Variants in KIAA1328 observed in about 807,000 individuals in gnomAD.
KIAA1328 encodes the protein KIAA1328, also known as protein hinderin.
Under a neutral mutation model 68.1 loss-of-function variants are expected in KIAA1328, and 52 were observed. The observed-to-expected ratio is 0.76, with a 90% confidence interval of 0.61 to 0.96. The LOEUF is 0.96. Ranked by LOEUF, KIAA1328 falls within the 40% of genes least tolerant of loss-of-function variation. The pLI, the probability that KIAA1328 is intolerant of heterozygous loss-of-function variation, is 0.00. For missense variants in KIAA1328, 641 were observed against 677.6 expected, an observed-to-expected ratio of 0.95 and a Z score of 0.60; for synonymous variants, 232 against 239.4, an observed-to-expected ratio of 0.97 and a Z score of 0.28.
At chr18:37,060,996 TC>T (rs1883072641) in intron 6 of KIAA1328, among the ~76,000 whole-genome samples, 1 of 152,098 alleles carries the variant, frequency 6.6e-6, no homozygotes, top group African/African-American at 2.4e-5. Flanking sequence ...GTGCCTGTAG[TC>T]CCAGCTACTC....
chr18:36,865,065 A>G (rs1241242244), intron 4 of KIAA1328, among the ~76,000 whole-genome samples: 1 of 128,948 alleles, frequency 7.8e-6, no homozygotes, highest in Admixed American at 7.5e-5. Flanking sequence ...TCTTATCTCT[A>G]TTATTTCCTT....
intron 6 of KIAA1328, among the ~76,000 whole-genome samples, chr18:37,050,116 A>T (rs2151660151): frequency 6.6e-6 from 1 of 152,208 alleles, no homozygotes; most frequent in South Asian, 2.1e-4. Context: ...TCTATTCCTG[A>T]GCCTGATTGT....
intron 6 of KIAA1328, among the ~76,000 whole-genome samples, chr18:37,027,370 T>G (rs998642989): frequency 1.1e-4 from 16 of 152,134 alleles, no homozygotes; most frequent in African/African-American, 3.6e-4. Context: ...AAAAACTACT[T>G]TAAAGTTCAT....
At chr18:37,116,646 C>T (rs907494613) in intron 7 of KIAA1328, among the ~76,000 whole-genome samples, 1 of 152,118 alleles carries the variant, frequency 6.6e-6, no homozygotes, top group Non-Finnish European at 1.5e-5. Flanking sequence ...GCAACAAAAG[C>T]CAAAATTGAC....
intron 6 of KIAA1328, among the ~76,000 whole-genome samples, chr18:36,972,890 A>G (rs2052288450): frequency 6.6e-6 from 1 of 152,240 alleles, no homozygotes; most frequent in African/African-American, 2.4e-5. Context: ...TGAAACAGGA[A>G]AAGATATTAC....
chr18:37,067,018 T>C lies in KIAA1328; in HGVS notation c.705T>C (p.Ala235=). 6.2e-7 allele frequency: 1 copy of C among 1,613,934 alleles called. No individual in the cohort carries two copies. The highest frequency in any genetic ancestry group is 8.5e-7 in the Non-Finnish European group (1 of 1,179,868). The change falls in exon 7 of 10, where the codon GCT becomes GCC. Residue 235 remains alanine (A), a synonymous_variant. Coordinates refer to ENST00000280020, the MANE Select transcript of KIAA1328 (RefSeq NM_020776.3). ...CTAAGTCTGCAGTCCAGGATTCAGC[T>C]TCAGAATCCCTTATAGCATTTAGGA... ...QRPKSAVQDS[A]SESLIAFRNN... is the part of the protein sequence containing the mutation.
chr18:37,137,018 A>G (rs887946756), intron 7 of KIAA1328, among the ~76,000 whole-genome samples: 12 of 152,214 alleles, frequency 7.9e-5, no homozygotes, highest in Admixed American at 7.2e-4. Context: ...AGAATTGAAG[A>G]TATTTTAATT....
Position 37,224,095 on chromosome 18 carries a change from A to T in KIAA1328, c.*1868A>T, listed in dbSNP as rs544567715. On this transcript the variant is annotated 3_prime_UTR_variant, in exon 10 of 10. Coordinates refer to ENST00000280020, the MANE Select transcript of KIAA1328 (RefSeq NM_020776.3). ...ACTAAGAGCCCTCAGCCATTTTTTC[A>T]GTTAAAGTTAGGTTGCCAGAACTTT... The T allele has an allele frequency of 2.0e-6, 2 of 985,314 alleles. No homozygotes were observed. The highest frequency in any genetic ancestry group is 9.4e-5 in the South Asian group (2 of 21,284). The allele number at this position is 985,314 out of a possible 1,614,324, so 61.0% of individuals were successfully genotyped here.
intron 5 of KIAA1328, among the ~76,000 whole-genome samples, chr18:36,938,321 G>C (rs2050581359): frequency 6.6e-6 from 1 of 151,958 alleles, no homozygotes; most frequent in South Asian, 2.1e-4. Context: ...ATACCTTATT[G>C]TTATTTTAAT....
chr18:37,198,774 C>T (rs2060051540), intron 9 of KIAA1328, among the ~76,000 whole-genome samples: 1 of 152,146 alleles, frequency 6.6e-6, no homozygotes, highest in East Asian at 1.9e-4. Flanking sequence ...GTTTGATGAC[C>T]TCTGCTTTCT....
intron 6 of KIAA1328, among the ~76,000 whole-genome samples, chr18:37,032,300 A>T (rs939728568): frequency 4.6e-5 from 7 of 152,330 alleles, no homozygotes; most frequent in Middle Eastern, 3.4e-3. Context: ...ATTGTCACAT[A>T]ATTTACTTCT....
chr18:37,134,880 A>G (rs1196808460), intron 7 of KIAA1328, among the ~76,000 whole-genome samples: 1 of 152,018 alleles, frequency 6.6e-6, no homozygotes, highest in African/African-American at 2.4e-5. Flanking sequence ...AGTAGTTCCC[A>G]GTGTCTATTA....
At chr18:37,194,884 CTCCTGACCTCATGA>C (rs2059974426) in intron 9 of KIAA1328, among the ~76,000 whole-genome samples, 1 of 152,186 alleles carries the variant, frequency 6.6e-6, no homozygotes, top group South Asian at 2.1e-4. Flanking sequence ...TGGTCTCAAA[CTCCTGACCTCATGA>C]TCCACACACC....
chr18:37,046,427 C>A (rs143021407), intron 6 of KIAA1328, among the ~76,000 whole-genome samples: 156 of 152,186 alleles, frequency 1.0e-3, no homozygotes, highest in Admixed American at 2.0e-3. Flanking sequence ...TCTTGGTAAG[C>A]CCTGAAATCC....
chr18:37,070,073 A>C (rs910887296), intron 7 of KIAA1328, among the ~76,000 whole-genome samples: 1 of 151,946 alleles, frequency 6.6e-6, no homozygotes, highest in Non-Finnish European at 1.5e-5. Context: ...GAAACTTCCT[A>C]TTTGACCCAT....
intron 8 of KIAA1328, among the ~76,000 whole-genome samples, chr18:37,169,492 G>C (rs565951736): frequency 6.7e-6 from 1 of 150,152 alleles, no homozygotes; most frequent in Non-Finnish European, 1.5e-5. Flanking sequence ...TTAAGCATAT[G>C]TTGTTATTGT....
chr18:37,164,262 T>G (rs1371265331), intron 8 of KIAA1328, among the ~76,000 whole-genome samples: 1 of 152,206 alleles, frequency 6.6e-6, no homozygotes, highest in Non-Finnish European at 1.5e-5. Flanking sequence ...AACATAACAT[T>G]GTATATATTG....
chr18:36,885,820 G>T (rs1038719543), intron 5 of KIAA1328, 148 bp downstream of exon 5: 1 of 553,338 alleles, frequency 1.8e-6, no homozygotes. Flanking sequence ...CGGTTCAAGC[G>T]ATTCTCCTAC....
chr18:36,895,633 G>T, intron 5 of KIAA1328: 2 of 383,982 alleles, frequency 5.2e-6, no homozygotes, highest in South Asian at 4.1e-5. Flanking sequence ...GCTATTCTGG[G>T]CTTAGCAAGG....
Sources: gnomAD v4.1 joint callset for allele counts (sites outside exome capture counted in the v4.1 genomes callset) on GRCh38, gnomAD v4.1.1 for gene constraint, MANE v1.5 for transcripts, NCBI Gene and HGNC (gene_info 2026-07-23, HGNC 2026-07-21) for gene names.